SORBS2: variants seen among roughly 807,000 people sequenced by gnomAD.
SORBS2 encodes the protein sorbin and SH3 domain containing 2, also known as sorbin and SH3 domain-containing protein 2.
SORBS2 carries 46 observed loss-of-function variants against 97.7 expected under a neutral mutation model. The ratio of observed to expected loss-of-function variants is 0.47; its 90% CI spans 0.37 to 0.60. The LOEUF is 0.60. Ranked by LOEUF, SORBS2 falls within the 20% of genes least tolerant of loss-of-function variation. SORBS2 has a pLI of 0.00. For synonymous variants in SORBS2, 476 were observed against 473.4 expected (o/e 1.01, Z -0.07); for missense variants, 1,316 against 1,282.3 (o/e 1.03, Z -0.40).
At chr4:185,732,781 G>A (rs945540355) in intron 2 of SORBS2, among the ~76,000 whole-genome samples, 1 of 152,226 alleles carries the variant, frequency 6.6e-6, no homozygotes, top group African/African-American at 2.4e-5. Flanking sequence ...ACCTGTGAGA[G>A]CGATCTTATT....
chr4:185,929,710 A>G (rs894718106), intron 1 of SORBS2, among the ~76,000 whole-genome samples: 1 of 151,476 alleles, frequency 6.6e-6, no homozygotes, highest in African/African-American at 2.4e-5. Context: ...TGATTTTTGT[A>G]TTTTTAGTAG....
intron 2 of SORBS2, among the ~76,000 whole-genome samples, chr4:185,769,004 G>A (rs2098953805): frequency 6.6e-6 from 1 of 152,042 alleles, no homozygotes; most frequent in South Asian, 2.1e-4. Context: ...AGTAACCAGA[G>A]CTCCTTGAAG....
At chr4:185,774,177 T>TG (rs1161493053) in intron 2 of SORBS2, 1 of 152,196 alleles carries the variant, frequency 6.6e-6, no homozygotes, top group African/African-American at 2.4e-5. Flanking sequence ...ACGGAGATTC[T>TG]GAGGCAGCAG....
intron 12 of SORBS2, among the ~76,000 whole-genome samples, chr4:185,598,309 G>C (rs2096167502): frequency 6.6e-6 from 1 of 152,188 alleles, no homozygotes. Flanking sequence ...CCCTGACTAT[G>C]TAAGTATTTT....
chr4:185,609,415 C>T (rs2096494905), intron 12 of SORBS2, among the ~76,000 whole-genome samples: 3 of 152,112 alleles, frequency 2.0e-5, no homozygotes, highest in African/African-American at 7.2e-5. Context: ...TTACTGCCAC[C>T]ATCACCATTG....
chr4:185,879,170 C>CG (rs1554045438), intron 1 of SORBS2, among the ~76,000 whole-genome samples: 6 of 98,756 alleles, frequency 6.1e-5, no homozygotes, highest in African/African-American at 9.6e-5. Context: ...ATCCCTCCCC[C>CG]CCCCCCACCC....
chr4:185,645,183 A>G (rs948404362), intron 4 of SORBS2, among the ~76,000 whole-genome samples: 7 of 152,202 alleles, frequency 4.6e-5, no homozygotes, highest in Admixed American at 1.3e-4. Context: ...CATGTTCGTT[A>G]TCCTAAGAGT....
chr4:185,640,415 T>C (rs147797169), intron 4 of SORBS2, among the ~76,000 whole-genome samples: 8 of 152,216 alleles, frequency 5.3e-5, no homozygotes, highest in East Asian at 3.8e-4. Context: ...TATTTTGCTT[T>C]ATTGTTGTAA....
intron 1 of SORBS2, among the ~76,000 whole-genome samples, chr4:185,776,724 C>A (rs1190817557): frequency 2.1e-5 from 3 of 145,464 alleles, no homozygotes; most frequent in Non-Finnish European, 4.7e-5. Flanking sequence ...CATGGTGAAA[C>A]CCCATCTCTA....
At chr4:185,677,023 C>T in intron 4 of SORBS2, 1 of 1,550,748 alleles carries the variant, frequency 6.4e-7, no homozygotes. Context: ...GACTGAGAGG[C>T]CGCTGCAACT....
chr4:185,810,127 C>T (rs1447964715), intron 1 of SORBS2, among the ~76,000 whole-genome samples: 1 of 152,240 alleles, frequency 6.6e-6, no homozygotes, highest in Non-Finnish European at 1.5e-5. Flanking sequence ...AGGCCGTCAC[C>T]TCACCATTTT....
At chr4:185,932,099 A>ATGTG (rs1276305785) in intron 1 of SORBS2, among the ~76,000 whole-genome samples, 2 of 151,668 alleles carry the variant, frequency 1.3e-5, no homozygotes, top group Non-Finnish European at 2.9e-5. Flanking sequence ...TGTGTTTATT[A>ATGTG]TATACACATA....
chr4:185,916,582 G>A (rs931326710), intron 1 of SORBS2, among the ~76,000 whole-genome samples: 1 of 152,194 alleles, frequency 6.6e-6, no homozygotes, highest in Non-Finnish European at 1.5e-5. Flanking sequence ...TAGAGAATTT[G>A]ACGCCCAAGA....
chr4:185,821,885 C>T (rs988071660), intron 1 of SORBS2, among the ~76,000 whole-genome samples: 2 of 152,164 alleles, frequency 1.3e-5, no homozygotes, highest in Non-Finnish European at 1.5e-5. Context: ...AAACATGTCT[C>T]GAACACCTTC....
intron 2 of SORBS2, among the ~76,000 whole-genome samples, chr4:185,758,137 T>C (rs906422228): frequency 6.6e-6 from 1 of 152,234 alleles, no homozygotes; most frequent in Non-Finnish European, 1.5e-5. Flanking sequence ...TCTCGGGTCC[T>C]AACCGATAAT....
intron 1 of SORBS2, among the ~76,000 whole-genome samples, chr4:185,836,440 C>G (rs2099208106): frequency 6.6e-6 from 1 of 152,186 alleles, no homozygotes; most frequent in Non-Finnish European, 1.5e-5. Flanking sequence ...GAAGGACAAA[C>G]AGCAGAAAAG....
chr4:185,639,141 AGAGGCCTCCGGACGGC>A, intron 4 of SORBS2, 106 bp from the exon 14 acceptor site: 1 of 1,063,006 alleles, frequency 9.4e-7, no homozygotes, highest in Non-Finnish European at 1.3e-6. Context: ...CCGGGAGGGG[AGAGGCCTCCGGACGGC>A]GAAGTGTCCC....
At chr4:185,662,196 A>T in exon 5 of SORBS2, 6 of 1,613,876 alleles carry the variant, frequency 3.7e-6, no homozygotes, top group Non-Finnish European at 5.1e-6. Flanking sequence ...ATAGTAACTC[A>T]TGGGACTCAC....
At chr4:185,822,401 G>A (rs899140108) in intron 1 of SORBS2, among the ~76,000 whole-genome samples, 1 of 152,234 alleles carries the variant, frequency 6.6e-6, no homozygotes, top group Non-Finnish European at 1.5e-5. Context: ...CACATCAGGA[G>A]AGATGGCACA....
Sources: allele counts gnomAD v4.1 joint callset (sites outside exome capture counted in the v4.1 genomes callset), GRCh38; gene constraint gnomAD v4.1.1; transcripts MANE v1.5; gene names NCBI Gene and HGNC (gene_info 2026-07-23, HGNC 2026-07-21).